TCF12: variants seen among roughly 807,000 people sequenced by gnomAD.
The protein encoded by TCF12 is transcription factor 12, also known as DNA-binding protein HTF4.
In TCF12, 45 loss-of-function variants were observed where a neutral mutation model predicts 86.0. The ratio of observed to expected loss-of-function variants is 0.52; its 90% CI spans 0.41 to 0.67. The LOEUF (loss-of-function observed/expected upper bound fraction) is 0.67, where lower values mean the gene tolerates loss of function less well. TCF12 is among the 30% of genes least tolerant of loss of function. TCF12 has a pLI of 0.00. For synonymous variants in TCF12, 330 were observed against 299.6 expected (o/e 1.10, Z -1.05); for missense variants, 881 against 859.9 (o/e 1.02, Z -0.31).
chr15:57,100,638 A>C (rs1198174285), intron 5 of TCF12, among the ~76,000 whole-genome samples: 4 of 152,200 alleles, frequency 2.6e-5, no homozygotes, highest in Middle Eastern at 3.4e-3. Context: ...TTTAAAATAA[A>C]TGGTTTCATA....
At chr15:57,177,812 C>A (rs1474354565) in intron 6 of TCF12, among the ~76,000 whole-genome samples, 3 of 151,992 alleles carry the variant, frequency 2.0e-5, no homozygotes, top group Non-Finnish European at 2.9e-5. Flanking sequence ...CCTTGACCTC[C>A]CAGGTTTGGG....
intron 5 of TCF12, among the ~76,000 whole-genome samples, chr15:57,125,391 A>T (rs2051568084): frequency 6.6e-6 from 1 of 152,244 alleles, no homozygotes; most frequent in Non-Finnish European, 1.5e-5. Flanking sequence ...TGTGATTGGT[A>T]ATAGGATGCA....
intron 8 of TCF12, among the ~76,000 whole-genome samples, chr15:57,223,653 T>TTTTTTTTTTTTTTG (rs2058720909): frequency 4.4e-5 from 6 of 135,294 alleles, no homozygotes; most frequent in South Asian, 2.5e-4. Context: ...GTTTTTTTTT[T>TTTTTTTTTTTTTTG]TTTTTTTTTT....
chr15:57,010,788 T>C (rs1304283521), intron 3 of TCF12, among the ~76,000 whole-genome samples: 1 of 152,152 alleles, frequency 6.6e-6, no homozygotes, highest in African/African-American at 2.4e-5. Flanking sequence ...GACTCTTGAT[T>C]TAGGAGGATG....
chr15:56,940,598 CCTT>C (rs1261366635), intron 3 of TCF12, among the ~76,000 whole-genome samples: 4 of 149,034 alleles, frequency 2.7e-5, no homozygotes, highest in Non-Finnish European at 4.5e-5. Context: ...TCCTCCTCCT[CCTT>C]CTCCTCCTTC....
chr15:57,163,801 G>T (rs942594333), intron 5 of TCF12, among the ~76,000 whole-genome samples: 1 of 152,160 alleles, frequency 6.6e-6, no homozygotes, highest in Non-Finnish European at 1.5e-5. Context: ...AGCCTTCCCT[G>T]CATGTAATCA....
chr15:57,274,897 C>T (rs2061310360), intron 19 of TCF12, among the ~76,000 whole-genome samples: 1 of 152,156 alleles, frequency 6.6e-6, no homozygotes, highest in Non-Finnish European at 1.5e-5. Context: ...GAGATACCTA[C>T]TTCAGATCTA....
chr15:56,971,825 C>A (rs1163933406), intron 3 of TCF12, among the ~76,000 whole-genome samples: 2 of 152,136 alleles, frequency 1.3e-5, no homozygotes, highest in Admixed American at 6.6e-5. Flanking sequence ...AAGATCCAAA[C>A]ATTTTTATGA....
intron 3 of TCF12, among the ~76,000 whole-genome samples, chr15:56,925,218 C>A (rs919301832): frequency 1.3e-5 from 2 of 151,200 alleles, no homozygotes; most frequent in East Asian, 2.0e-4. Flanking sequence ...CAAAAAAAAA[C>A]CACAAACAAA....
At chr15:57,119,791 C>A (rs1409501607) in intron 5 of TCF12, among the ~76,000 whole-genome samples, 2 of 152,016 alleles carry the variant, frequency 1.3e-5, no homozygotes, top group African/African-American at 2.4e-5. Flanking sequence ...TAGGAATTCA[C>A]CTCTTTCTCT....
Position 57,286,594 on chromosome 15 carries a change from G to A in TCF12, c.*449G>A, listed in dbSNP as rs760313075. 26 of 456,416 alleles carry A rather than the reference G, an allele frequency of 5.7e-5. No individual in the cohort carries two copies. Among genetic ancestry groups the A allele is most frequent in the Non-Finnish European group, 1.1e-4 (24 of 226,926 alleles). The allele number at this position is 456,416 out of a possible 1,614,324, so 28.3% of individuals were successfully genotyped here. ...GCTGATCTACACTCAGCTGATGCCAGCATACATTAAAGCGGTTCACGTGCA... is the reference window on the plus strand; with the variant it reads ...GCTGATCTACACTCAGCTGATGCCAACATACATTAAAGCGGTTCACGTGCA... On this transcript the variant is annotated 3_prime_UTR_variant, in exon 21 of 21. Coordinates refer to ENST00000333725, the MANE Select transcript of TCF12 (RefSeq NM_207037.2).
intron 3 of TCF12, among the ~76,000 whole-genome samples, chr15:57,001,880 A>G (rs550860729): frequency 4.1e-4 from 62 of 152,316 alleles, no homozygotes; most frequent in African/African-American, 1.4e-3. Flanking sequence ...CTGTCTTTGG[A>G]AAGCCATAGG....
intron 3 of TCF12, among the ~76,000 whole-genome samples, chr15:57,032,344 A>C (rs2066248870): frequency 6.6e-6 from 1 of 152,236 alleles, no homozygotes; most frequent in South Asian, 2.1e-4. Flanking sequence ...TGGAACTTGC[A>C]GACTGACCTT....
chr15:57,038,338 G>T (rs2066649157), intron 3 of TCF12, among the ~76,000 whole-genome samples: 1 of 151,996 alleles, frequency 6.6e-6, no homozygotes, highest in African/African-American at 2.4e-5. Context: ...TGAGACAGGG[G>T]GATTGCTTGA....
chr15:57,099,965 C>CT, intron 5 of TCF12, among the ~76,000 whole-genome samples: 1 of 151,874 alleles, frequency 6.6e-6, no homozygotes, highest in Middle Eastern at 3.4e-3. Context: ...GGACTTAAAT[C>CT]AAGTGGACCA....
intron 6 of TCF12, among the ~76,000 whole-genome samples, chr15:57,169,223 T>C (rs2055125984): frequency 6.6e-6 from 1 of 152,190 alleles, no homozygotes; most frequent in African/African-American, 2.4e-5. Flanking sequence ...TTAAAAGTCT[T>C]TTCGTCTTCA....
intron 3 of TCF12, among the ~76,000 whole-genome samples, chr15:56,941,685 CT>C (rs111353408): frequency 1.6e-3 from 233 of 143,238 alleles, no homozygotes; most frequent in Admixed American, 1.7e-3. Flanking sequence ...TCTTCTTCTT[CT>C]TTTTTTTTTT....
At chr15:57,226,547 CAA>C (rs1318662712) in intron 8 of TCF12, among the ~76,000 whole-genome samples, 4 of 152,102 alleles carry the variant, frequency 2.6e-5, no homozygotes, top group African/African-American at 9.7e-5. Context: ...ACCATCTTGA[CAA>C]AAGATCTAAC....
rs933166364 is a variant in TCF12, at chr15:57,061,143, T to C, written c.149-2607T>C. On this transcript the variant is annotated intron_variant, in intron 3 of 20. Coordinates refer to ENST00000333725, the MANE Select transcript of TCF12 (RefSeq NM_207037.2). ...ATTAATTACCATTTTATTTCATTAGTCTTTGCTTTTTCTTTATTTTATAGA... is the reference window on the plus strand; with the variant it reads ...ATTAATTACCATTTTATTTCATTAGCCTTTGCTTTTTCTTTATTTTATAGA... 9.8e-5 allele frequency among the ~76,000 whole-genome samples: 15 copies of C among 152,336 alleles called. No homozygotes were observed. In the East Asian group the frequency reaches 1.3e-3, roughly 14 times the overall value.
Sources: gnomAD v4.1 joint callset for allele counts (sites outside exome capture counted in the v4.1 genomes callset) on GRCh38, gnomAD v4.1.1 for gene constraint, MANE v1.5 for transcripts, NCBI Gene and HGNC (gene_info 2026-07-23, HGNC 2026-07-21) for gene names.